C13orf46: variants seen among roughly 807,000 people sequenced by gnomAD.
C13orf46 encodes uncharacterized protein C13orf46.
chr13:113,935,571 C>T, the C13orf46 span, among the ~76,000 whole-genome samples: 1 of 152,348 alleles, frequency 6.6e-6, no homozygotes, highest in East Asian at 1.9e-4. Context: ...CATTCTTCCT[C>T]TTTAATGAGG....
In C13orf46 at chr13:113,956,552, G is replaced by A. The variant is rs1173828988; in HGVS notation, c.*221C>T. 2 of 152,590 alleles carry A rather than the reference G, an allele frequency of 1.3e-5. No individual in the cohort carries two copies. Among genetic ancestry groups the A allele is most frequent in the Non-Finnish European group, 2.9e-5 (2 of 68,370 alleles). 9.5% of individuals were successfully genotyped at this position (152,590 alleles called of 1,614,324 possible). ...GGCACCCCAGCGTTGCTCAGAGCTG[G>A]CGGGATCTTTAGCCCAAAGGCGCAG... On this transcript the variant is annotated 3_prime_UTR_variant, in exon 7 of 7. Coordinates refer to ENST00000636427, the MANE Select transcript of C13orf46 (RefSeq NM_001365455.2).
the C13orf46 span, among the ~76,000 whole-genome samples, chr13:113,942,473 G>A: frequency 6.6e-6 from 1 of 152,312 alleles, no homozygotes; most frequent in African/African-American, 2.4e-5. Context: ...ACGGCGATTT[G>A]ACCAGGAGAC....
chr13:113,945,575 A>AAGAAAGAAAGAAAG, the C13orf46 span, among the ~76,000 whole-genome samples: 410 of 88,986 alleles, frequency 4.6e-3, 16 homozygotes, highest in Middle Eastern at 6.1e-3. Flanking sequence ...GAAAGAAAGA[A>AAGAAAGAAAGAAAG]AGAGAGAGAG....
chr13:113,942,338 T>A, the C13orf46 span, among the ~76,000 whole-genome samples: 5 of 151,728 alleles, frequency 3.3e-5, no homozygotes, highest in Non-Finnish European at 7.4e-5. Context: ...TCACCACGAG[T>A]CAAAGTCCAC....
At position 113,955,533 on chromosome 13, in the gene C13orf46, GACGAGGAGC is replaced by G. The variant is rs2052520287; in HGVS notation, c.*1231_*1239del. 0.07 allele frequency: 11,132 copies of G among 157,960 alleles called. 684 individuals are homozygous for G. The highest frequency in any genetic ancestry group is 0.099 in the Non-Finnish European group (7,242 of 73,090). 9.8% of individuals were successfully genotyped at this position (157,960 alleles called of 1,614,324 possible). A position where few individuals can be genotyped will look rare whatever the true frequency, so the allele number is the denominator to read the frequency against. ...GTGGAGCGGAGGAGCATCTGGCGGA[GACGAGGAGC>G]ATCTCGTGGAGAGGAGGAGCATCTC... On this transcript the variant is annotated 3_prime_UTR_variant, in exon 7 of 7. Coordinates refer to ENST00000636427, the MANE Select transcript of C13orf46 (RefSeq NM_001365455.2).
rs1423908812 is a variant in C13orf46 at position 113,965,767 on chromosome 13, A to G, written c.505-773T>C. Among the ~76,000 whole-genome samples the G allele has an allele frequency of 9.4e-3, 680 of 72,296 alleles. 7 individuals carry two copies. Among genetic ancestry groups the G allele is most frequent in the African/African-American group, 0.042 (631 of 14,866 alleles). 47.4% of individuals were successfully genotyped at this position (72,296 alleles called of 152,430 possible). A position where few individuals can be genotyped will look rare whatever the true frequency, so the allele number is the denominator to read the frequency against. The stretch of plus-strand genomic sequence containing the variant: ...GATGGTGATGATGGTGATGGTGATG[A>G]TGGTGATGGTGATGATGGTAATTAT... On this transcript the variant is annotated intron_variant, in intron 5 of 6. Coordinates refer to ENST00000636427, the MANE Select transcript of C13orf46 (RefSeq NM_001365455.2).
intron 6 of C13orf46, among the ~76,000 whole-genome samples, chr13:113,963,634 T>C (rs1479864812): frequency 2.0e-4 from 19 of 94,512 alleles, no homozygotes; most frequent in African/African-American, 6.3e-4. Flanking sequence ...CACAGCCCCC[T>C]CTCCTCAGCC....
At position 113,964,922 on chromosome 13, in the gene C13orf46, C is replaced by A. The variant is rs975860242; in HGVS notation, c.572+5G>T. 6.6e-6 allele frequency: 1 copy of A among 152,314 alleles called. No individual in the cohort carries two copies. The highest frequency in any genetic ancestry group is 2.1e-4 in the South Asian group (1 of 4,836). The allele number at this position is 152,314 out of a possible 1,614,324, so 9.4% of individuals were successfully genotyped here. A position where few individuals can be genotyped will look rare whatever the true frequency, so the allele number is the denominator to read the frequency against. On this transcript the variant is annotated splice_donor_5th_base_variant and intron_variant, in intron 6 of 6. Coordinates refer to ENST00000636427, the MANE Select transcript of C13orf46 (RefSeq NM_001365455.2). Reference sequence around the variant, plus strand: ...ACCTAGTGTGAGCCCACAAGCATCACTCACTCGTCTTCTGACAGATCTTCC... The same window carrying A: ...ACCTAGTGTGAGCCCACAAGCATCAATCACTCGTCTTCTGACAGATCTTCC...
At chr13:113,938,651 G>T in the C13orf46 span, among the ~76,000 whole-genome samples, 1 of 152,128 alleles carries the variant, frequency 6.6e-6, no homozygotes, top group Non-Finnish European at 1.5e-5. Flanking sequence ...AGCGTCCTGG[G>T]GGTTCAGCCT....
the C13orf46 span, among the ~76,000 whole-genome samples, chr13:113,933,365 T>G: frequency 1.3e-5 from 2 of 152,234 alleles, no homozygotes; most frequent in African/African-American, 2.4e-5. Context: ...GGCCTGGGTG[T>G]TGTTCTGTCT....
chr13:113,956,467 G>A lies in C13orf46; in HGVS notation c.*306C>T, dbSNP rs915941924. 2.6e-5 allele frequency: 4 copies of A among 155,578 alleles called. No homozygotes were observed. Among genetic ancestry groups the A allele is most frequent in the South Asian group, 1.9e-4 (1 of 5,366 alleles). 9.6% of individuals were successfully genotyped at this position (155,578 alleles called of 1,614,324 possible). A position where few individuals can be genotyped will look rare whatever the true frequency, so the allele number is the denominator to read the frequency against. Reference sequence around the variant, plus strand: ...GTTTATTGTGTTTGTTGAAGGTCACGTCATCACTCACCCAGTGGGCAGTGG... The same window carrying A: ...GTTTATTGTGTTTGTTGAAGGTCACATCATCACTCACCCAGTGGGCAGTGG... On this transcript the variant is annotated 3_prime_UTR_variant, in exon 7 of 7. Coordinates refer to ENST00000636427, the MANE Select transcript of C13orf46 (RefSeq NM_001365455.2).
chr13:113,950,375 C>T (rs1278844961), downstream of C13orf46, among the ~76,000 whole-genome samples: 1 of 130,732 alleles, frequency 7.6e-6, no homozygotes, highest in Non-Finnish European at 1.7e-5. Context: ...GACCTCGGTG[C>T]TCCCATCTGG....
intron 1 of C13orf46, chr13:113,970,451 C>G (rs921401474): frequency 2.0e-5 from 3 of 152,410 alleles, no homozygotes; most frequent in Non-Finnish European, 4.4e-5. Context: ...GCCCCAGCAG[C>G]TCAGCCCACA....
the C13orf46 span, among the ~76,000 whole-genome samples, chr13:113,946,928 C>CT: frequency 6.6e-6 from 1 of 152,364 alleles, no homozygotes; most frequent in Non-Finnish European, 1.5e-5. Flanking sequence ...GGCCTGGCAC[C>CT]CTTGGGGCCG....
At chr13:113,935,396 T>C in the C13orf46 span, among the ~76,000 whole-genome samples, 1 of 152,246 alleles carries the variant, frequency 6.6e-6, no homozygotes, top group South Asian at 2.1e-4. Context: ...ATGCTTGGCC[T>C]GTTTGCTTCC....
intron 6 of C13orf46, among the ~76,000 whole-genome samples, chr13:113,959,499 C>T (rs1254525386): frequency 6.6e-6 from 1 of 152,198 alleles, no homozygotes; most frequent in Non-Finnish European, 1.5e-5. Flanking sequence ...AGTGAAACAA[C>T]AGGCACTGGA....
At chr13:113,971,287 C>G (rs1175603731) in intron 1 of C13orf46, among the ~76,000 whole-genome samples, 1 of 152,208 alleles carries the variant, frequency 6.6e-6, no homozygotes, top group African/African-American at 2.4e-5. Context: ...TCCCAGAGCT[C>G]GGCAGAGTCA....
intron 5 of C13orf46, among the ~76,000 whole-genome samples, chr13:113,967,039 T>TC (rs1261685129): frequency 1.3e-5 from 2 of 152,160 alleles, no homozygotes; most frequent in Non-Finnish European, 2.9e-5. Flanking sequence ...CCCAACGTGA[T>TC]CCCCCACAAG....
At chr13:113,932,273 T>C in the C13orf46 span, among the ~76,000 whole-genome samples, 1 of 152,232 alleles carries the variant, frequency 6.6e-6, no homozygotes, top group Non-Finnish European at 1.5e-5. Context: ...CTGGGTCACA[T>C]GGTGACTCTG....
Sources: gnomAD v4.1 joint callset for allele counts (sites outside exome capture counted in the v4.1 genomes callset) on GRCh38, gnomAD v4.1.1 for gene constraint, MANE v1.5 for transcripts, NCBI Gene and HGNC (gene_info 2026-07-23, HGNC 2026-07-21) for gene names.